SORCS2: variants seen among roughly 807,000 people sequenced by gnomAD.
SORCS2 encodes the protein sortilin related VPS10 domain containing receptor 2.
In SORCS2, 100 loss-of-function variants were observed where a neutral mutation model predicts 141.6. The observed-to-expected ratio is 0.71, with a 90% confidence interval of 0.60 to 0.83. The LOEUF is 0.83. Among genes scored for constraint, SORCS2 ranks in the 40% least tolerant of loss-of-function variants. SORCS2 has a pLI of 0.00. For missense variants in SORCS2, 1,646 were observed against 1,560.2 expected, an observed-to-expected ratio of 1.05 and a Z score of -0.93; for synonymous variants, 789 against 676.9, an observed-to-expected ratio of 1.17 and a Z score of -2.57.
intron 2 of SORCS2, among the ~76,000 whole-genome samples, chr4:7,494,297 C>T (rs571107428): frequency 5.3e-5 from 8 of 152,178 alleles, no homozygotes; most frequent in South Asian, 2.1e-4. Flanking sequence ...TGTTTTATAT[C>T]GGTGTGGTTT....
intron 7 of SORCS2, among the ~76,000 whole-genome samples, chr4:7,666,844 C>T (rs1338436622): frequency 1.3e-5 from 2 of 152,128 alleles, no homozygotes; most frequent in African/African-American, 2.4e-5. Context: ...CTTTCTCCAC[C>T]TTGTTCCATA....
chr4:7,470,354 G>GATCC (rs1300619515), intron 2 of SORCS2, among the ~76,000 whole-genome samples: 1 of 149,030 alleles, frequency 6.7e-6, no homozygotes. Flanking sequence ...CTCACTTATC[G>GATCC]ATCCATCCAT....
At chr4:7,674,527 T>C (rs1577060999) in intron 8 of SORCS2, among the ~76,000 whole-genome samples, 1 of 147,236 alleles carries the variant, frequency 6.8e-6, no homozygotes, top group Middle Eastern at 3.5e-3. Context: ...TGAGCTGAGA[T>C]TGCGCCATTG....
chr4:7,239,495 C>T (rs1229733255), intron 1 of SORCS2, among the ~76,000 whole-genome samples: 1 of 152,218 alleles, frequency 6.6e-6, no homozygotes, highest in African/African-American at 2.4e-5. Flanking sequence ...TTGAATCTTC[C>T]TGGTCCCAGA....
In SORCS2 at chr4:7,737,664, C is replaced by T. The variant is rs541709931; in HGVS notation, c.3415+492C>T. On this transcript the variant is annotated intron_variant, in intron 26 of 26. Coordinates refer to ENST00000507866, the MANE Select transcript of SORCS2 (RefSeq NM_020777.3). ...GCATTTCCACTGATGGGATCCCCTTCGCTCCTGGTCATGCCCAGCAAGGAG... is the reference window on the plus strand; with the variant it reads ...GCATTTCCACTGATGGGATCCCCTTTGCTCCTGGTCATGCCCAGCAAGGAG... 2.8e-4 allele frequency among the ~76,000 whole-genome samples: 43 copies of T among 152,322 alleles called. No homozygotes were observed. In the East Asian group the frequency reaches 2.9e-3, roughly 10 times the overall value.
At chr4:7,492,048 C>A (rs1731349105) in intron 2 of SORCS2, among the ~76,000 whole-genome samples, 1 of 152,184 alleles carries the variant, frequency 6.6e-6, no homozygotes, top group African/African-American at 2.4e-5. Context: ...CTTTTCTGGC[C>A]TATCTTCTGC....
chr4:7,704,406 C>T, intron 14 of SORCS2, 122 bp downstream of exon 14: 1 of 862,282 alleles, frequency 1.2e-6, no homozygotes, highest in Non-Finnish European at 1.8e-6. Flanking sequence ...GCCACCTGCC[C>T]CAGGTCCCCT....
intron 3 of SORCS2, among the ~76,000 whole-genome samples, chr4:7,553,046 G>A (rs1465128033): frequency 6.6e-6 from 1 of 152,194 alleles, no homozygotes; most frequent in Non-Finnish European, 1.5e-5. Context: ...TTGGAAGCCT[G>A]AGAGCACAAA....
At chr4:7,288,943 C>T (rs1716423010) in intron 1 of SORCS2, among the ~76,000 whole-genome samples, 1 of 151,956 alleles carries the variant, frequency 6.6e-6, no homozygotes, top group Admixed American at 6.6e-5. Flanking sequence ...CCACCTCCTC[C>T]AGGAAGCCTT....
chr4:7,564,400 GTC>G lies in SORCS2; in HGVS notation c.648+32775_648+32776del, dbSNP rs144250551. Among the ~76,000 whole-genome samples the G allele has an allele frequency of 9.2e-3, 1,394 of 152,306 alleles. 9 individuals are homozygous for G. The highest frequency in any genetic ancestry group is 0.017 in the Middle Eastern group (5 of 294). On this transcript the variant is annotated intron_variant, in intron 3 of 26. Transcript: ENST00000507866. ...GTCACATGGTGTCAGCCCCGTGTGTGTCTCTGTGTCCAAATTTCCCCTTTCTG... is the reference window on the plus strand; with the variant it reads ...GTCACATGGTGTCAGCCCCGTGTGTGTCTGTGTCCAAATTTCCCCTTTCTG...
chr4:7,327,810 C>G lies in SORCS2; in HGVS notation c.481-68478C>G, dbSNP rs3892280. On this transcript the variant is annotated intron_variant, in intron 1 of 26. Transcript: ENST00000507866. Reference sequence around the variant, plus strand: ...GGCTTGGCTTGTGTGACCGCCCCCCCCAACCCCGCCCCCGGCAACGTTGCT... The same window carrying G: ...GGCTTGGCTTGTGTGACCGCCCCCCGCAACCCCGCCCCCGGCAACGTTGCT... Among the ~76,000 whole-genome samples, 476 of 152,010 alleles carry G rather than the reference C, an allele frequency of 3.1e-3. 5 individuals carry two copies. Among genetic ancestry groups the G allele is most frequent in the Non-Finnish European group, 6.2e-3 (423 of 67,966 alleles).
chr4:7,548,157 G>A (rs1173153646), intron 3 of SORCS2, among the ~76,000 whole-genome samples: 1 of 152,148 alleles, frequency 6.6e-6, no homozygotes, highest in Non-Finnish European at 1.5e-5. Context: ...AGGCCTTTGA[G>A]GGCTCCAACA....
At chr4:7,524,713 G>T (rs538229229) in intron 2 of SORCS2, among the ~76,000 whole-genome samples, 2 of 151,738 alleles carry the variant, frequency 1.3e-5, no homozygotes, top group Non-Finnish European at 2.9e-5. Context: ...CTCCTTAACC[G>T]CATCTCTCTT....
At chr4:7,321,894 G>A (rs1005056475) in intron 1 of SORCS2, among the ~76,000 whole-genome samples, 2 of 152,170 alleles carry the variant, frequency 1.3e-5, no homozygotes, top group African/African-American at 4.8e-5. Context: ...AAAGGTGTTC[G>A]ATTTTACTTT....
At chr4:7,406,192 G>GT (rs57483819) in intron 2 of SORCS2, among the ~76,000 whole-genome samples, 11 of 150,740 alleles carry the variant, frequency 7.3e-5, no homozygotes, top group East Asian at 3.9e-4. Context: ...TTGACCTGTC[G>GT]TTTTTTTTTG....
At chr4:7,397,631 T>G (rs1354768576) in intron 2 of SORCS2, among the ~76,000 whole-genome samples, 1 of 152,108 alleles carries the variant, frequency 6.6e-6, no homozygotes, top group Non-Finnish European at 1.5e-5. Flanking sequence ...AATGTCTCGT[T>G]CCTCCGGTGC....
intron 22 of SORCS2, 78 bp from the exon 23 acceptor site, chr4:7,729,509 G>A (rs1727455341): frequency 6.6e-7 from 1 of 1,508,724 alleles, no homozygotes. Flanking sequence ...AAGGGAGAGA[G>A]GGTGTTCCTG....
At chr4:7,671,941 CTTT>C (rs34912914) in intron 8 of SORCS2, among the ~76,000 whole-genome samples, 139 of 128,554 alleles carry the variant, frequency 1.1e-3, no homozygotes, top group African/African-American at 2.2e-3. Flanking sequence ...AAGACAGAAA[CTTT>C]TTTTTTTTTT....
chr4:7,582,046 ATGATTT>A (rs1270839877), intron 3 of SORCS2, among the ~76,000 whole-genome samples: 3 of 152,234 alleles, frequency 2.0e-5, no homozygotes, highest in African/African-American at 7.2e-5. Flanking sequence ...AAAATAGTCT[ATGATTT>A]AGATAACGAT....
Sources: gnomAD v4.1 joint callset for allele counts (sites outside exome capture counted in the v4.1 genomes callset) on GRCh38, gnomAD v4.1.1 for gene constraint, MANE v1.5 for transcripts, NCBI Gene and HGNC (gene_info 2026-07-23, HGNC 2026-07-21) for gene names.